CREM: variants seen among roughly 807,000 people sequenced by gnomAD.
CREM encodes the protein cAMP-responsive element modulator.
A neutral mutation model predicts 37.3 loss-of-function variants in CREM; 13 were observed. The ratio of observed to expected loss-of-function variants is 0.35; its 90% CI spans 0.23 to 0.55. CREM has a LOEUF of 0.55. CREM is among the 20% of genes least tolerant of loss of function. CREM has a pLI of 0.88. For synonymous variants in CREM, 124 were observed against 120.2 expected (o/e 1.03, Z -0.21); for missense variants, 296 against 362.3 (o/e 0.82, Z 1.49).
intron 3 of CREM, among the ~76,000 whole-genome samples, chr10:35,163,436 C>T (rs578043440): frequency 6.6e-6 from 1 of 152,234 alleles, no homozygotes; most frequent in African/African-American, 2.4e-5. Context: ...GTAATCCCAA[C>T]ACTTTGGGAG....
chr10:35,154,250 G>A (rs1330996174), intron 3 of CREM: 1 of 392,272 alleles, frequency 2.5e-6, no homozygotes, highest in African/African-American at 2.1e-5. Context: ...AAATCTTCTT[G>A]GTCCCACATA....
At chr10:35,175,707 T>C (rs1373331326) in intron 3 of CREM, 2 of 1,614,146 alleles carry the variant, frequency 1.2e-6, no homozygotes, top group Non-Finnish European at 1.7e-6. Context: ...CTCCCGATGG[T>C]AAGTATCCTA....
At chr10:35,178,205 G>C (rs2094183162) in intron 3 of CREM, among the ~76,000 whole-genome samples, 2 of 152,080 alleles carry the variant, frequency 1.3e-5, no homozygotes, top group South Asian at 4.2e-4. Context: ...TTAGTTTTCT[G>C]ACTTCTTTAA....
intron 3 of CREM, among the ~76,000 whole-genome samples, chr10:35,153,494 C>T (rs566072535): frequency 2.0e-5 from 3 of 152,184 alleles, no homozygotes; most frequent in East Asian, 3.9e-4. Flanking sequence ...AATGTATGAT[C>T]TACTCTGAAG....
intron 3 of CREM, among the ~76,000 whole-genome samples, chr10:35,156,605 C>T (rs972345140): frequency 6.6e-6 from 1 of 152,090 alleles, no homozygotes; most frequent in Non-Finnish European, 1.5e-5. Flanking sequence ...CTTGTAAATC[C>T]CAGACTATTA....
At chr10:35,200,714 C>T (rs73262803) in intron 6 of CREM, among the ~76,000 whole-genome samples, 1 of 152,178 alleles carries the variant, frequency 6.6e-6, no homozygotes, top group African/African-American at 2.4e-5. Flanking sequence ...ATAGAAGCCC[C>T]CCACTTAGAA....
chr10:35,165,986 A>G (rs896113947), intron 3 of CREM, among the ~76,000 whole-genome samples: 7 of 152,168 alleles, frequency 4.6e-5, no homozygotes, highest in Non-Finnish European at 7.4e-5. Flanking sequence ...AATTTTTTAG[A>G]AACATGAAAT....
At chr10:35,194,951 A>T (rs894776265) in intron 6 of CREM, among the ~76,000 whole-genome samples, 1 of 152,094 alleles carries the variant, frequency 6.6e-6, no homozygotes, top group African/African-American at 2.4e-5. Context: ...CCTCAAACAG[A>T]TTTCTATGTA....
chr10:35,153,975 C>T (rs2092745793), intron 3 of CREM: 1 of 396,556 alleles, frequency 2.5e-6, no homozygotes. Context: ...ACTCTGTTAA[C>T]CCTATGATGT....
At chr10:35,175,573 T>G (rs1429953171) in intron 3 of CREM, 3 of 1,208,472 alleles carry the variant, frequency 2.5e-6, no homozygotes, top group East Asian at 4.7e-5. Flanking sequence ...GTAGTTTAAC[T>G]GCTTTAGAAC....
intron 1 of CREM, among the ~76,000 whole-genome samples, chr10:35,129,700 T>TA (rs2135334071): frequency 6.6e-6 from 1 of 152,352 alleles, no homozygotes; most frequent in Non-Finnish European, 1.5e-5. Context: ...TTGAGAGACG[T>TA]TATTTTTTAG....
intron 6 of CREM, among the ~76,000 whole-genome samples, chr10:35,196,789 CCTA>C (rs1373568653): frequency 6.6e-6 from 1 of 151,786 alleles, no homozygotes; most frequent in Non-Finnish European, 1.5e-5. Flanking sequence ...GCCTTTCATT[CCTA>C]TTACCCCTTT....
chr10:35,134,464 G>A (rs1362798021), intron 1 of CREM, among the ~76,000 whole-genome samples: 4 of 152,298 alleles, frequency 2.6e-5, no homozygotes, highest in Middle Eastern at 3.4e-3. Flanking sequence ...CGATCTGCCC[G>A]CCTCAGCCTT....
chr10:35,129,417 G>C lies in CREM; in HGVS notation c.-55+2224G>C, dbSNP rs142530699. ...TAATCAAAATACAAAATCTTGCTTA[G>C]GGTTATGACCATTTCATGAAAAGTA... On this transcript the variant is annotated intron_variant, in intron 1 of 7. Transcript: ENST00000685392. Among the ~76,000 whole-genome samples the C allele has an allele frequency of 4.7e-4, 72 of 152,218 alleles. 1 individual carries two copies. The highest frequency in any genetic ancestry group is 1.5e-3 in the African/African-American group (61 of 41,538).
At chr10:35,211,159 T>C (rs1478750006) in intron 7 of CREM, 95 bp from the exon 8 acceptor site, 2 of 1,365,822 alleles carry the variant, frequency 1.5e-6, no homozygotes, top group South Asian at 1.4e-5. Context: ...CTAGGATCGA[T>C]TGGCTGTTGA....
intron 3 of CREM, among the ~76,000 whole-genome samples, chr10:35,169,968 T>TG (rs773279418): frequency 1.3e-5 from 2 of 150,576 alleles, no homozygotes; most frequent in Non-Finnish European, 3.0e-5. Context: ...GGAGAAGCTT[T>TG]TTTTTTTTTT....
chr10:35,137,465 G>A (rs867232256), intron 1 of CREM, among the ~76,000 whole-genome samples: 2 of 152,082 alleles, frequency 1.3e-5, no homozygotes, highest in African/African-American at 4.8e-5. Context: ...GATTTAGATA[G>A]CACTGCTTTC....
At chr10:35,183,568 A>G (rs1440055633) in intron 5 of CREM, among the ~76,000 whole-genome samples, 1 of 152,186 alleles carries the variant, frequency 6.6e-6, no homozygotes, top group African/African-American at 2.4e-5. Flanking sequence ...TTAAGGTACA[A>G]GTACTCATAG....
At chr10:35,204,444 A>C (rs1012800597) in intron 6 of CREM, among the ~76,000 whole-genome samples, 1 of 152,150 alleles carries the variant, frequency 6.6e-6, no homozygotes, top group African/African-American at 2.4e-5. Flanking sequence ...TACTAAAAAT[A>C]CAAAAATTAG....
Sources: allele counts gnomAD v4.1 joint callset (sites outside exome capture counted in the v4.1 genomes callset), GRCh38; gene constraint gnomAD v4.1.1; transcripts MANE v1.5; gene names NCBI Gene and HGNC (gene_info 2026-07-23, HGNC 2026-07-21).